ZFP41: variants seen among roughly 807,000 people sequenced by gnomAD.
The protein encoded by ZFP41 is zinc finger protein 41 homolog.
A neutral mutation model predicts 11.6 loss-of-function variants in ZFP41; 10 were observed. The observed-to-expected ratio is 0.86, with a 90% CI of 0.53 to 1.47. The LOEUF is 1.47. Among genes scored for constraint, ZFP41 ranks in the 40% most tolerant of loss-of-function variants. The pLI is 0.00. For synonymous variants in ZFP41, 123 were observed against 100.9 expected, an observed-to-expected ratio of 1.22 and a Z score of -1.31; for missense variants, 302 against 264.6, an observed-to-expected ratio of 1.14 and a Z score of -0.98.
Position 143,249,744 on chromosome 8 carries a change from GGGAGTGTGGAGAGGTGCGT to G in ZFP41, c.-97_-79del, listed in dbSNP as rs1586708854. On this transcript the variant is annotated 5_prime_UTR_variant, in exon 2 of 3. The change abolishes the stop of an existing upstream ORF in the 5' untranslated region. Coordinates refer to ENST00000330701, the MANE Select transcript of ZFP41 (RefSeq NM_173832.6). ...TGGTGCAGAGCATCAGTCCCACGCT[GGGAGTGTGGAGAGGTGCGT>G]GGGAAGCAAGCCATTGAGGAAGTGG... The G allele has an allele frequency of 4.1e-6, 6 of 1,478,282 alleles. No individual in the cohort carries two copies. The East Asian group carries it at 1.4e-4, about 35-fold the overall frequency. 91.6% of individuals were successfully genotyped at this position (1,478,282 alleles called of 1,614,324 possible). A position where few individuals can be genotyped will look rare whatever the true frequency, so the allele number is the denominator to read the frequency against.
chr8:143,255,286 T>C (rs930592236), intron 2 of ZFP41, among the ~76,000 whole-genome samples: 1 of 152,244 alleles, frequency 6.6e-6, no homozygotes, highest in East Asian at 1.9e-4. Context: ...GAAATGGCGA[T>C]GCTGACAGTG....
At chr8:143,258,952 G>C (rs1176114089) in intron 2 of ZFP41, among the ~76,000 whole-genome samples, 1 of 152,224 alleles carries the variant, frequency 6.6e-6, no homozygotes, top group Admixed American at 6.5e-5. Flanking sequence ...GAGCAGCCTG[G>C]CGTTTTCTGG....
At position 143,250,071 on chromosome 8, in the gene ZFP41, C is replaced by T. The variant is rs868575331; in HGVS notation, c.228C>T (p.Pro76=). 1.9e-6 allele frequency: 3 copies of T among 1,614,150 alleles called. No homozygotes were observed. Among genetic ancestry groups the T allele is most frequent in the East Asian group, 2.2e-5 (1 of 44,882 alleles). The part of the protein sequence containing the change: ...ASFKDDFEGV[P]VFIPFQRKKP... ...TTAAAGATGACTTTGAGGGGGTTCC[C>T]GTGTTCATTCCTTTTCAGAGGAAGA... The change falls in exon 2 of 3, where the codon CCC becomes CCT. Residue 76 remains proline, a synonymous_variant. Transcript: ENST00000330701.
chr8:143,255,322 C>G (rs1017968921), intron 2 of ZFP41, among the ~76,000 whole-genome samples: 12 of 152,234 alleles, frequency 7.9e-5, no homozygotes, highest in Admixed American at 4.6e-4. Context: ...TTGCCAAGAA[C>G]AAGAACCGTA....
In ZFP41 at chr8:143,249,954, T is replaced by C. The variant is rs1286770309; in HGVS notation, c.111T>C (p.Pro37=). ...AGGTGTCCGGGGACAGAAAGCCACC[T>C]GAGAGGCCCACTGTGCCCAGGAAGC... ...EEKVSGDRKP[P]ERPTVPRKPR... is the part of the protein sequence containing the mutation. The change falls in exon 2 of 3, where the codon CCT becomes CCC. Residue 37 remains proline (P), a synonymous_variant. Coordinates refer to ENST00000330701, the MANE Select transcript of ZFP41 (RefSeq NM_173832.6). 1.2e-6 allele frequency: 2 copies of C among 1,613,916 alleles called. No homozygotes were observed. Among genetic ancestry groups the C allele is most frequent in the South Asian group, 1.1e-5 (1 of 91,074 alleles).
intron 2 of ZFP41, chr8:143,253,647 C>T (rs1814833368): frequency 6.6e-6 from 1 of 152,206 alleles, no homozygotes; most frequent in Non-Finnish European, 1.5e-5. Flanking sequence ...TGCATTCGAG[C>T]TCCTGGTATA....
chr8:143,259,382 G>T (rs374380537), intron 2 of ZFP41, among the ~76,000 whole-genome samples: 3 of 152,238 alleles, frequency 2.0e-5, no homozygotes, highest in African/African-American at 7.2e-5. Flanking sequence ...CACAGGGCAC[G>T]GGCCCCTGGG....
At chr8:143,247,335 TCTAA>T (rs1287844138) in intron 1 of ZFP41, 193 bp downstream of exon 1, 2 of 152,222 alleles carry the variant, frequency 1.3e-5, no homozygotes, top group Admixed American at 6.5e-5. Flanking sequence ...AAGGAGAGCC[TCTAA>T]CTAGGAGCAC....
At position 143,250,410 on chromosome 8, in the gene ZFP41, TC is replaced by T. The variant is rs1286091961; in HGVS notation, c.568del (p.Gln190ArgfsTer84). ...CCTACAGCTCCTGTCTCATCCGCCA[TC>T]AGAAACGCCACCCTCGGAAGAAGCC... is the stretch of plus-strand genomic sequence containing the variant. ...FAYSSCLIRH[Q>X]KRHPRKKP is the part of the protein sequence containing the mutation. On this transcript the variant is annotated frameshift_variant, in exon 2 of 3. Transcript: ENST00000330701. LOFTEE classifies it high-confidence loss of function. 12 of 1,611,744 alleles carry T rather than the reference TC, an allele frequency of 7.4e-6. No homozygotes were observed. Among genetic ancestry groups the T allele is most frequent in the Non-Finnish European group, 9.3e-6 (11 of 1,178,502 alleles).
chr8:143,261,467 A>G lies in ZFP41; in HGVS notation c.*2593A>G, dbSNP rs1209124120. 3.9e-5 allele frequency: 6 copies of G among 152,650 alleles called. No individual in the cohort carries two copies. The highest frequency in any genetic ancestry group is 1.5e-4 in the African/African-American group (6 of 41,372). The allele number at this position is 152,650 out of a possible 1,614,324, so 9.5% of individuals were successfully genotyped here. ...GCTGAGGTCCAGGGACGCAGGAAGG[A>G]TGGGGTGAACTCCGGGATGGGGCCG... is the stretch of plus-strand genomic sequence containing the variant. On this transcript the variant is annotated 3_prime_UTR_variant, in exon 3 of 3. Coordinates refer to ENST00000330701, the MANE Select transcript of ZFP41 (RefSeq NM_173832.6).
chr8:143,258,615 A>C (rs1814966137), intron 2 of ZFP41, among the ~76,000 whole-genome samples: 1 of 152,240 alleles, frequency 6.6e-6, no homozygotes, highest in Admixed American at 6.5e-5. Flanking sequence ...CAGCATTCAT[A>C]GGAACCAGGA....
intron 2 of ZFP41, among the ~76,000 whole-genome samples, chr8:143,255,835 G>A (rs1439059578): frequency 1.7e-5 from 2 of 119,674 alleles, no homozygotes; most frequent in African/African-American, 3.5e-5. Flanking sequence ...GGCTCGCCCC[G>A]CGTGCTGGTG....
At chr8:143,253,989 C>G (rs2130713000) in intron 2 of ZFP41, among the ~76,000 whole-genome samples, 1 of 152,300 alleles carries the variant, frequency 6.6e-6, no homozygotes, top group Admixed American at 6.5e-5. Flanking sequence ...GCATGCAGTT[C>G]ACGGTGGGGT....
rs770874609 is a variant in ZFP41 at position 143,250,066 on chromosome 8, G to A, written c.223G>A (p.Val75Ile). 2.5e-6 allele frequency: 4 copies of A among 1,614,052 alleles called. No homozygotes were observed. Among genetic ancestry groups the A allele is most frequent in the East Asian group, 2.2e-5 (1 of 44,888 alleles). ...TTCATTTAAAGATGACTTTGAGGGG[G>A]TTCCCGTGTTCATTCCTTTTCAGAG... ...DASFKDDFEG[V>I]PVFIPFQRKK... is the part of the protein sequence containing the mutation. The change falls in exon 2 of 3, where the codon GTT becomes ATT. Residue 75 changes from valine to isoleucine, a missense_variant. Physicochemically the swap from Val to Ile is conservative, Grantham distance 29. Coordinates refer to ENST00000330701, the MANE Select transcript of ZFP41 (RefSeq NM_173832.6).
intron 2 of ZFP41, among the ~76,000 whole-genome samples, chr8:143,255,230 C>G (rs1814877715): frequency 6.6e-6 from 1 of 152,164 alleles, no homozygotes; most frequent in Non-Finnish European, 1.5e-5. Flanking sequence ...TGGACTTGAC[C>G]CTCACTCTGG....
At chr8:143,258,721 A>G (rs993910978) in intron 2 of ZFP41, among the ~76,000 whole-genome samples, 1 of 152,262 alleles carries the variant, frequency 6.6e-6, no homozygotes, top group African/African-American at 2.4e-5. Flanking sequence ...AGAAAAAAGA[A>G]AAATGGGCAA....
intron 2 of ZFP41, among the ~76,000 whole-genome samples, chr8:143,256,052 C>A (rs1395670562): frequency 3.7e-4 from 16 of 42,808 alleles, no homozygotes; most frequent in South Asian, 2.0e-3. Context: ...TGCTGGTGTT[C>A]TTGAGATCAG....
Position 143,262,400 on chromosome 8 carries a change from G to C in ZFP41, c.*3526G>C, listed in dbSNP as rs1328458355. On this transcript the variant is annotated 3_prime_UTR_variant, in exon 3 of 3. Coordinates refer to ENST00000330701, the MANE Select transcript of ZFP41 (RefSeq NM_173832.6). Reference sequence around the variant, plus strand: ...AACAGCTGTGGTCTTGGCCTCTCGTGTTGGTGGCAGATGTCCCATTTCCCA... The same window carrying C: ...AACAGCTGTGGTCTTGGCCTCTCGTCTTGGTGGCAGATGTCCCATTTCCCA... 6.6e-6 allele frequency: 1 copy of C among 152,418 alleles called. No individual in the cohort carries two copies. Among genetic ancestry groups the C allele is most frequent in the African/African-American group, 2.4e-5 (1 of 41,446 alleles). 9.4% of individuals were successfully genotyped at this position (152,418 alleles called of 1,614,324 possible). A position where few individuals can be genotyped will look rare whatever the true frequency, so the allele number is the denominator to read the frequency against.
At chr8:143,259,439 C>T (rs1814986369) in intron 2 of ZFP41, among the ~76,000 whole-genome samples, 1 of 152,196 alleles carries the variant, frequency 6.6e-6, no homozygotes, top group South Asian at 2.1e-4. Context: ...AGCATTTGCT[C>T]TAGCGCGGTT....
Sources: allele counts gnomAD v4.1 joint callset (sites outside exome capture counted in the v4.1 genomes callset), GRCh38; gene constraint gnomAD v4.1.1; transcripts MANE v1.5; gene names NCBI Gene and HGNC (gene_info 2026-07-23, HGNC 2026-07-21).